Variants in GNG2 observed in about 807,000 individuals in gnomAD.
The protein encoded by GNG2 is guanine nucleotide-binding protein G(I)/G(S)/G(O) subunit gamma-2.
In GNG2, 5 loss-of-function variants were observed where a neutral mutation model predicts 5.5. The observed-to-expected ratio is 0.91, with a 90% CI of 0.48 to 1.92. The LOEUF (loss-of-function observed/expected upper bound fraction) is 1.92. Among genes scored for constraint, GNG2 ranks in the 30% most tolerant of loss-of-function variants. The pLI, the probability that GNG2 is intolerant of heterozygous loss-of-function variation, is 0.01. For missense variants in GNG2, 55 were observed against 88.4 expected, an observed-to-expected ratio of 0.62 and a Z score of 1.52; for synonymous variants, 28 against 32.0, an observed-to-expected ratio of 0.88 and a Z score of 0.42.
intron 2 of GNG2, among the ~76,000 whole-genome samples, chr14:51,890,468 A>T (rs1396443372): frequency 6.6e-6 from 1 of 152,142 alleles, no homozygotes; most frequent in Non-Finnish European, 1.5e-5. Context: ...CAGAAATATT[A>T]CCTTTGCTTT....
chr14:51,904,314 G>A (rs1481020096), intron 2 of GNG2, among the ~76,000 whole-genome samples: 4 of 152,168 alleles, frequency 2.6e-5, no homozygotes, highest in Non-Finnish European at 5.9e-5. Context: ...GAGCCTGAGT[G>A]TGTACCTGTA....
intron 2 of GNG2, among the ~76,000 whole-genome samples, chr14:51,925,044 TC>T (rs1231015763): frequency 6.6e-6 from 1 of 152,198 alleles, no homozygotes; most frequent in Admixed American, 6.5e-5. Flanking sequence ...GTTCCAGTGT[TC>T]CATAGCACTG....
intron 2 of GNG2, among the ~76,000 whole-genome samples, chr14:51,950,341 G>A (rs1010037927): frequency 9.2e-5 from 14 of 152,208 alleles, no homozygotes; most frequent in African/African-American, 2.2e-4. Flanking sequence ...AGTATAATAC[G>A]CTGAGGTGGT....
At chr14:51,889,841 T>A (rs1163668446) in intron 2 of GNG2, among the ~76,000 whole-genome samples, 1 of 152,220 alleles carries the variant, frequency 6.6e-6, no homozygotes, top group Non-Finnish European at 1.5e-5. Flanking sequence ...CTACTTTGGC[T>A]TTTTTGTCTT....
At chr14:51,900,763 C>T (rs1885495388) in intron 2 of GNG2, among the ~76,000 whole-genome samples, 1 of 151,728 alleles carries the variant, frequency 6.6e-6, no homozygotes, top group Non-Finnish European at 1.5e-5. Context: ...TTCCAGCTGG[C>T]CTTAGTGAGA....
At position 51,885,590 on chromosome 14, in the gene GNG2, A is replaced by AACACACAC. The variant is rs148960161; in HGVS notation, c.-30+7946_-30+7953dup. On this transcript the variant is annotated intron_variant, in intron 2 of 3. Transcript: ENST00000556766. ...TTTTCTATCCCCTGCCGTATTCTAT[A>AACACACAC]ACACACACACACACACACACCCCCG... Among the ~76,000 whole-genome samples the AACACACAC allele has an allele frequency of 3.3e-5, 5 of 150,224 alleles. No individual in the cohort carries two copies. The East Asian group carries it at 9.8e-4, about 29-fold the overall frequency.
intron 2 of GNG2, among the ~76,000 whole-genome samples, chr14:51,898,339 AT>A (rs1439580541): frequency 6.6e-6 from 1 of 152,200 alleles, no homozygotes; most frequent in Admixed American, 6.5e-5. Flanking sequence ...CTGCATTTTG[AT>A]TTTGCTGGAT....
chr14:51,898,668 T>C (rs1007506248), intron 2 of GNG2, among the ~76,000 whole-genome samples: 1 of 152,172 alleles, frequency 6.6e-6, no homozygotes, highest in African/African-American at 2.4e-5. Context: ...TGAACGCAAA[T>C]GTGCAACTCA....
At chr14:51,868,540 G>A (rs1883083474) in intron 1 of GNG2, among the ~76,000 whole-genome samples, 1 of 152,180 alleles carries the variant, frequency 6.6e-6, no homozygotes, top group Non-Finnish European at 1.5e-5. Context: ...ATCCCTGAAG[G>A]CCTCTCTGAA....
At chr14:51,889,850 T>C (rs1173196867) in intron 2 of GNG2, among the ~76,000 whole-genome samples, 1 of 152,218 alleles carries the variant, frequency 6.6e-6, no homozygotes, top group Non-Finnish European at 1.5e-5. Flanking sequence ...CTTTTTTGTC[T>C]TTTCCTTTAC....
At chr14:51,851,568 A>G (rs538125068) in intron 2 of GNG2, among the ~76,000 whole-genome samples, 6 of 152,314 alleles carry the variant, frequency 3.9e-5, no homozygotes, top group Admixed American at 2.0e-4. Flanking sequence ...CAAGAACACA[A>G]TTGTTCTTTT....
intron 2 of GNG2, among the ~76,000 whole-genome samples, chr14:51,829,320 A>T (rs1881117750): frequency 6.6e-6 from 1 of 152,076 alleles, no homozygotes; most frequent in Non-Finnish European, 1.5e-5. Flanking sequence ...TTTAAATTCA[A>T]CAGTGCTTGG....
At chr14:51,964,282 A>T (rs1032960437) in intron 3 of GNG2, among the ~76,000 whole-genome samples, 1 of 152,222 alleles carries the variant, frequency 6.6e-6, no homozygotes. Flanking sequence ...AACCAAGCTG[A>T]TGCCTTGATT....
intron 3 of GNG2, chr14:51,951,774 T>C (rs1888989203): frequency 3.1e-6 from 2 of 636,854 alleles, no homozygotes; most frequent in Non-Finnish European, 5.5e-6. Context: ...TAGAACACAC[T>C]CATTTACATA....
upstream of GNG2, among the ~76,000 whole-genome samples, chr14:51,859,640 T>C (rs563365910): frequency 5.3e-5 from 8 of 152,294 alleles, no homozygotes; most frequent in East Asian, 1.2e-3. Flanking sequence ...CTGAGGCACA[T>C]AGATGTTAAA....
chr14:51,831,559 C>A (rs985810515), intron 2 of GNG2, among the ~76,000 whole-genome samples: 23 of 152,278 alleles, frequency 1.5e-4, no homozygotes, highest in African/African-American at 5.3e-4. Context: ...AAAAAGGGGT[C>A]ATGAAAGAGC....
Position 51,966,564 on chromosome 14 carries a change from C to T in GNG2, c.93C>T (p.Ser31=), listed in dbSNP as rs2140312033. Residue 31 remains serine, a synonymous_variant, in exon 4 of 4, where the codon TCC becomes TCT. Coordinates refer to ENST00000556766, the MANE Select transcript of GNG2 (RefSeq NM_053064.5). ...MEANIDRIKV[S]KAAADLMAYC... The stretch of plus-strand genomic sequence containing the variant: ...GTTTTTGTCTCCCTTTCCAGGTGTC[C>T]AAGGCAGCTGCAGATTTGATGGCCT... 1 of 1,613,696 alleles carries T rather than the reference C, an allele frequency of 6.2e-7. No individual in the cohort carries two copies. Among genetic ancestry groups the T allele is most frequent in the East Asian group, 2.2e-5 (1 of 44,872 alleles).
At chr14:51,907,481 A>G (rs1886005239) in intron 2 of GNG2, among the ~76,000 whole-genome samples, 1 of 152,226 alleles carries the variant, frequency 6.6e-6, no homozygotes, top group Non-Finnish European at 1.5e-5. Context: ...GTGTTCAGCA[A>G]AACTAAACCT....
intron 2 of GNG2, among the ~76,000 whole-genome samples, chr14:51,935,271 C>T (rs1414061910): frequency 1.3e-5 from 2 of 151,846 alleles, no homozygotes; most frequent in African/African-American, 2.4e-5. Flanking sequence ...CTGATCCGGC[C>T]GCCTCGGCCT....
Sources: gnomAD v4.1 joint callset for allele counts (sites outside exome capture counted in the v4.1 genomes callset) on GRCh38, gnomAD v4.1.1 for gene constraint, MANE v1.5 for transcripts, NCBI Gene and HGNC (gene_info 2026-07-23, HGNC 2026-07-21) for gene names.